VPS54: variants seen among roughly 807,000 people sequenced by gnomAD.
VPS54 encodes VPS54 subunit of GARP complex.
A neutral mutation model predicts 121.5 loss-of-function variants in VPS54; 45 were observed. The ratio of observed to expected loss-of-function variants is 0.37; its 90% CI spans 0.29 to 0.47. The LOEUF is 0.47. Among genes scored for constraint, VPS54 ranks in the 20% least tolerant of loss-of-function variants. The pLI is 0.99. For missense variants in VPS54, 1,090 were observed against 1,131.4 expected, an observed-to-expected ratio of 0.96 and a Z score of 0.52; for synonymous variants, 371 against 385.8, an observed-to-expected ratio of 0.96 and a Z score of 0.45.
chr2:63,942,470 C>T lies in VPS54; in HGVS notation c.1393G>A (p.Val465Met). ...FSKFTIFLQR[V>M]KATLNIIHSV... ...AAACTAATTTATAAGCTTACCTTCA[C>T]TCTCTGTAGGAAAATTGTAAACTTA... Residue 465 changes from valine (V) to methionine (M), a missense_variant, in exon 11 of 23, where the codon GTG becomes ATG. Val to Met is a conservative substitution (Grantham distance 21). Coordinates refer to ENST00000272322, the MANE Select transcript of VPS54 (RefSeq NM_016516.3). 2 of 1,583,494 alleles carry T rather than the reference C, an allele frequency of 1.3e-6. No homozygotes were observed. The highest frequency in any genetic ancestry group is 1.7e-6 in the Non-Finnish European group (2 of 1,164,162).
chr2:63,992,992 CCA>C (rs1330166092), intron 1 of VPS54, among the ~76,000 whole-genome samples: 1 of 152,142 alleles, frequency 6.6e-6, no homozygotes, highest in East Asian at 1.9e-4. Context: ...CAGTTCGAGC[CCA>C]GTTTCCCCAG....
At position 63,892,476 on chromosome 2, in the gene VPS54, G is replaced by C. The variant is rs1672261602; in HGVS notation, c.*954C>G. 1 of 152,416 alleles carries C rather than the reference G, an allele frequency of 6.6e-6. No homozygotes were observed. Among genetic ancestry groups the C allele is most frequent in the South Asian group, 2.1e-4 (1 of 4,814 alleles). 9.4% of individuals were successfully genotyped at this position (152,416 alleles called of 1,614,324 possible). A position where few individuals can be genotyped will look rare whatever the true frequency, so the allele number is the denominator to read the frequency against. ...AGTTTTAAAAGTTCTGTTTCTCCCT[G>C]GTCTTTGTTCGTATACACATCGAAA... On this transcript the variant is annotated 3_prime_UTR_variant, in exon 23 of 23. Transcript: ENST00000272322.
intron 2 of VPS54, among the ~76,000 whole-genome samples, chr2:63,983,555 G>A (rs1308334940): frequency 6.7e-6 from 1 of 148,436 alleles, no homozygotes; most frequent in African/African-American, 2.5e-5. Flanking sequence ...GCATTCTCCT[G>A]CCTCAGCCTC....
chr2:63,917,765 T>C (rs1271840677), intron 15 of VPS54, among the ~76,000 whole-genome samples: 1 of 152,034 alleles, frequency 6.6e-6, no homozygotes, highest in Admixed American at 6.6e-5. Flanking sequence ...AGAAGTGGCA[T>C]AGCATCGTAG....
intron 1 of VPS54, among the ~76,000 whole-genome samples, chr2:64,017,977 T>C (rs1054378187): frequency 1.3e-5 from 2 of 152,230 alleles, no homozygotes; most frequent in Non-Finnish European, 2.9e-5. Flanking sequence ...AGAAATCATT[T>C]AGGCTCTGAA....
intron 12 of VPS54, 138 bp downstream of exon 12, chr2:63,933,535 C>A: frequency 1.4e-6 from 1 of 725,810 alleles, no homozygotes; most frequent in South Asian, 2.2e-5. Flanking sequence ...TATAGAGATA[C>A]GTTTCATAAA....
At chr2:63,993,613 T>C (rs1677434437) in intron 1 of VPS54, among the ~76,000 whole-genome samples, 1 of 152,256 alleles carries the variant, frequency 6.6e-6, no homozygotes, top group African/African-American at 2.4e-5. Flanking sequence ...TTGATCCGAA[T>C]TTAATTGTAG....
At chr2:63,995,675 T>C (rs557192098) in intron 1 of VPS54, among the ~76,000 whole-genome samples, 1 of 152,220 alleles carries the variant, frequency 6.6e-6, no homozygotes, top group East Asian at 1.9e-4. Flanking sequence ...TTTAAGACAG[T>C]CTGTTATTTG....
chr2:64,018,191 A>G (rs1226039950), intron 1 of VPS54, among the ~76,000 whole-genome samples: 1 of 152,224 alleles, frequency 6.6e-6, no homozygotes. Context: ...CAGTCCAAAC[A>G]ATTTAATTCT....
rs538277856 is a variant in VPS54 at position 63,920,478 on chromosome 2, A to G, written c.2019T>C (p.Asn673=). The change falls in exon 14 of 23, where the codon AAT becomes AAC. Residue 673 remains asparagine, a synonymous_variant. Transcript: ENST00000272322. ...TGGTTTTTCTCTCTTCATGAAACCT[A>G]TTTACAAACTTAATAGCTTGGCTCT... ...ALQSQAIKFV[N]RFHEERKTKL... The G allele has an allele frequency of 3.8e-6, 6 of 1,563,368 alleles. No individual in the cohort carries two copies. The South Asian group carries it at 6.0e-5, about 16-fold the overall frequency.
At chr2:63,980,614 T>C (rs562823362) in intron 3 of VPS54, among the ~76,000 whole-genome samples, 3 of 152,274 alleles carry the variant, frequency 2.0e-5, no homozygotes, top group East Asian at 1.9e-4. Context: ...TTAGGGTTTA[T>C]TGTTAAACCC....
At chr2:63,952,679 T>C (rs1018491451) in intron 7 of VPS54, among the ~76,000 whole-genome samples, 17 of 152,152 alleles carry the variant, frequency 1.1e-4, no homozygotes, top group African/African-American at 4.1e-4. Context: ...AACAGGAAAT[T>C]ATATTTCTTA....
At chr2:63,909,645 C>T (rs1423761236) in intron 20 of VPS54, among the ~76,000 whole-genome samples, 12 of 143,086 alleles carry the variant, frequency 8.4e-5, no homozygotes, top group Non-Finnish European at 1.6e-5. Context: ...GTCTTGAACT[C>T]CTGACCTCAC....
chr2:63,961,466 ACT>A (rs1675767412), intron 7 of VPS54, among the ~76,000 whole-genome samples: 1 of 152,194 alleles, frequency 6.6e-6, no homozygotes, highest in Admixed American at 6.5e-5. Context: ...CTACAAGGAT[ACT>A]GCAAGCCTGC....
intron 1 of VPS54, among the ~76,000 whole-genome samples, chr2:64,004,835 G>C (rs981640723): frequency 2.6e-5 from 4 of 152,116 alleles, no homozygotes; most frequent in Admixed American, 2.6e-4. Flanking sequence ...CTGGAGTGCA[G>C]TGACATAATC....
Position 63,942,551 on chromosome 2 carries a change from G to C in VPS54, c.1312C>G (p.Gln438Glu). 1 of 1,586,258 alleles carries C rather than the reference G, an allele frequency of 6.3e-7. No individual in the cohort carries two copies. The highest frequency in any genetic ancestry group is 8.6e-7 in the Non-Finnish European group (1 of 1,164,880). ...DTDVVVKLAD[Q>E]MRMLNFPQWF... ...TGGGGAAAATTCAACATTCTCATCTGATCTGCAAGCCTAGAAAAAAATAAT... is the reference window on the plus strand; with the variant it reads ...TGGGGAAAATTCAACATTCTCATCTCATCTGCAAGCCTAGAAAAAAATAAT... The change falls in exon 11 of 23, where the codon CAG (glutamine) becomes GAG (glutamate). Residue 438 changes from glutamine (Q) to glutamate (E), a missense_variant. By Grantham distance (29) the Gln-to-Glu change is conservative (BLOSUM62 2). This residue lies in a region of VPS54 where 801 missense variants were observed against 757.0 expected (regional missense o/e 1.06). Transcript: ENST00000272322.
chr2:64,009,965 C>A (rs937597730), intron 1 of VPS54, among the ~76,000 whole-genome samples: 3 of 151,958 alleles, frequency 2.0e-5, no homozygotes, highest in African/African-American at 4.8e-5. Context: ...CCTCAGCCTC[C>A]CAAGAAAATG....
chr2:63,936,573 C>T (rs550090682), intron 11 of VPS54, among the ~76,000 whole-genome samples: 2 of 151,990 alleles, frequency 1.3e-5, no homozygotes, highest in African/African-American at 4.8e-5. Context: ...ATCCATACAA[C>T]AAAATGAAAT....
At chr2:63,951,915 G>A (rs1203252050) in intron 7 of VPS54, among the ~76,000 whole-genome samples, 1 of 152,096 alleles carries the variant, frequency 6.6e-6, no homozygotes, top group Non-Finnish European at 1.5e-5. Flanking sequence ...TGGTTACTGG[G>A]TACATTTATG....
Sources: gnomAD v4.1 joint callset for allele counts (sites outside exome capture counted in the v4.1 genomes callset) on GRCh38, gnomAD v4.1.1 for gene constraint, gnomAD v4.1.1 regional missense constraint, MANE v1.5 for transcripts, NCBI Gene and HGNC (gene_info 2026-07-23, HGNC 2026-07-21) for gene names.